The following KIF13A variants were observed in gnomAD, a reference collection of about 807,000 sequenced individuals.
KIF13A encodes the protein kinesin family member 13A.
A neutral mutation model predicts 212.2 loss-of-function variants in KIF13A; 79 were observed. That is an observed-to-expected ratio of 0.37 (90% CI 0.31 to 0.45). The LOEUF (loss-of-function observed/expected upper bound fraction) is 0.45. KIF13A is among the 20% of genes least tolerant of loss of function. The pLI is 1.00. For missense variants in KIF13A, 1,901 were observed against 2,209.0 expected, an observed-to-expected ratio of 0.86 and a Z score of 2.79; for synonymous variants, 789 against 808.6, an observed-to-expected ratio of 0.98 and a Z score of 0.41.
intron 3 of KIF13A, among the ~76,000 whole-genome samples, chr6:17,896,398 T>C (rs953941035): frequency 6.6e-6 from 1 of 152,202 alleles, no homozygotes; most frequent in Non-Finnish European, 1.5e-5. Context: ...TAAAATTTTA[T>C]TCTTACATAA....
intron 3 of KIF13A, among the ~76,000 whole-genome samples, chr6:17,874,004 A>T (rs886082873): frequency 2.6e-5 from 4 of 152,126 alleles, no homozygotes; most frequent in African/African-American, 9.7e-5. Context: ...TTAACGAGAT[A>T]TTTTTTTCCA....
Position 17,834,116 on chromosome 6 carries a change from C to T in KIF13A, c.1156-45G>A. The T allele has an allele frequency of 8.5e-7, 1 of 1,173,506 alleles. No individual in the cohort carries two copies. Among genetic ancestry groups the T allele is most frequent in the Non-Finnish European group, 1.2e-6 (1 of 830,338 alleles). 72.7% of individuals were successfully genotyped at this position (1,173,506 alleles called of 1,614,324 possible). A position where few individuals can be genotyped will look rare whatever the true frequency, so the allele number is the denominator to read the frequency against. ...ATATCTGATGTTCAAAATTTTTCCA[C>T]CATCATATACAAGACAATCAGTTAC... On this transcript the variant is annotated intron_variant, in intron 11 of 38. Coordinates refer to ENST00000259711, the MANE Select transcript of KIF13A (RefSeq NM_022113.6). The surrounding 1 kb of genome is among the most constrained non-coding windows in gnomAD (Gnocchi z 4.0).
chr6:17,881,261 T>A (rs1045135687), intron 3 of KIF13A, among the ~76,000 whole-genome samples: 8 of 152,174 alleles, frequency 5.3e-5, no homozygotes, highest in African/African-American at 1.4e-4. Context: ...TGCATTTTTG[T>A]GAACCACTGA....
chr6:17,875,226 A>C (rs1770439742), intron 3 of KIF13A, among the ~76,000 whole-genome samples: 1 of 152,068 alleles, frequency 6.6e-6, no homozygotes, highest in South Asian at 2.1e-4. Flanking sequence ...AGGAATCTCC[A>C]CACTGTTTTC....
At chr6:17,977,675 GAAT>G (rs1170188665) in intron 2 of KIF13A, among the ~76,000 whole-genome samples, 1 of 152,170 alleles carries the variant, frequency 6.6e-6, no homozygotes, top group Non-Finnish European at 1.5e-5. Flanking sequence ...GGAAAAATAA[GAAT>G]AACTGATTTG....
chr6:17,909,055 A>C, intron 2 of KIF13A, among the ~76,000 whole-genome samples: 1 of 152,238 alleles, frequency 6.6e-6, no homozygotes, highest in Non-Finnish European at 1.5e-5. Context: ...AATGCTGTAC[A>C]TCATTAGCAT....
chr6:17,822,031 G>A, intron 16 of KIF13A: 1 of 887,446 alleles, frequency 1.1e-6, no homozygotes, highest in Non-Finnish European at 1.6e-6. Flanking sequence ...GGGGTAGGGG[G>A]AAACATAACT....
chr6:17,769,131 A>G lies in KIF13A; in HGVS notation c.4581+1983T>C, dbSNP rs1759277902. 6.6e-6 allele frequency among the ~76,000 whole-genome samples: 1 copy of G among 152,360 alleles called. No homozygotes were observed. Among genetic ancestry groups the G allele is most frequent in the African/African-American group, 2.4e-5 (1 of 41,582 alleles). ...CTGATTGTTCAAGAGTGGAAGAGAA[A>G]AGAACGTGAATTAGTCACAAAGGAA... On this transcript the variant is annotated intron_variant, in intron 38 of 38. Transcript: ENST00000259711. This position sits in a 1 kb window ranked among gnomAD's most constrained non-coding sequence, Gnocchi z 5.8.
At chr6:17,819,229 G>A (rs1001760372) in intron 16 of KIF13A, among the ~76,000 whole-genome samples, 2 of 152,018 alleles carry the variant, frequency 1.3e-5, no homozygotes, top group Non-Finnish European at 2.9e-5. Flanking sequence ...TCGATCTCCT[G>A]ACCTCATGAC....
chr6:17,946,044 T>G (rs1032165640), intron 2 of KIF13A, among the ~76,000 whole-genome samples: 2 of 152,218 alleles, frequency 1.3e-5, no homozygotes, highest in Non-Finnish European at 2.9e-5. Context: ...TTGTAAAGCT[T>G]AAGACTTTTA....
rs766317133 is a variant in KIF13A at position 17,934,597 on chromosome 6, G to A, written c.147-36417C>T. On this transcript the variant is annotated intron_variant, in intron 2 of 38. Coordinates refer to ENST00000259711, the MANE Select transcript of KIF13A (RefSeq NM_022113.6). The surrounding 1 kb of genome is among the most constrained non-coding windows in gnomAD (Gnocchi z 5.4). The stretch of plus-strand genomic sequence containing the variant: ...GAGCCCAGAAATTCGAGACCAGCCT[G>A]GGCAACATAGGGAAACCCTGTCTCT... Among the ~76,000 whole-genome samples, 58 of 152,100 alleles carry A rather than the reference G, an allele frequency of 3.8e-4. No homozygotes were observed. Among genetic ancestry groups the A allele is most frequent in the Admixed American group, 1.2e-3 (18 of 15,258 alleles).
At chr6:17,823,369 C>T (rs10949454) in intron 16 of KIF13A, among the ~76,000 whole-genome samples, 40,206 of 150,940 alleles carry the variant, frequency 0.27, 5,478 homozygotes, top group Admixed American at 0.35. Flanking sequence ...ACTTGTTTTT[C>T]ACAGTCTGGC....
At chr6:17,932,779 G>C (rs1046563155) in intron 2 of KIF13A, among the ~76,000 whole-genome samples, 4 of 149,642 alleles carry the variant, frequency 2.7e-5, no homozygotes, top group Non-Finnish European at 5.9e-5. Flanking sequence ...GTTGAAGCGA[G>C]GAGGAAGTCT....
chr6:17,797,701 T>C (rs1406875552), intron 22 of KIF13A, among the ~76,000 whole-genome samples: 1 of 152,016 alleles, frequency 6.6e-6, no homozygotes, highest in African/African-American at 2.4e-5. Context: ...CAGGAGATAG[T>C]GACCAGCTTG....
In KIF13A at chr6:17,982,708, C is replaced by G. The variant is rs957980489; in HGVS notation, c.146+4346G>C. Among the ~76,000 whole-genome samples the G allele has an allele frequency of 1.3e-5, 2 of 152,152 alleles. No homozygotes were observed. Among genetic ancestry groups the G allele is most frequent in the African/African-American group, 4.8e-5 (2 of 41,432 alleles). On this transcript the variant is annotated intron_variant, in intron 2 of 38. Coordinates refer to ENST00000259711, the MANE Select transcript of KIF13A (RefSeq NM_022113.6). The surrounding 1 kb of genome is among the most constrained non-coding windows in gnomAD (Gnocchi z 5.1). ...TACATAAAATAATTAAGAACAAAAACTTCTGTAGAAAGCAAGTTCCACTAT... is the reference window on the plus strand; with the variant it reads ...TACATAAAATAATTAAGAACAAAAAGTTCTGTAGAAAGCAAGTTCCACTAT...
At chr6:17,766,219 G>GATTGATTT (rs1554158989) in intron 38 of KIF13A, among the ~76,000 whole-genome samples, 1 of 144,656 alleles carries the variant, frequency 6.9e-6, no homozygotes, top group African/African-American at 2.6e-5. Context: ...TTATTTTTAA[G>GATTGATTT]ATTTATTTAT....
chr6:17,956,357 A>G (rs554095525), intron 2 of KIF13A, among the ~76,000 whole-genome samples: 3 of 152,352 alleles, frequency 2.0e-5, no homozygotes, highest in South Asian at 2.1e-4. Flanking sequence ...GCATGTGCAC[A>G]CTTTTTCAAA....
intron 2 of KIF13A, among the ~76,000 whole-genome samples, chr6:17,964,948 G>C (rs771406081): frequency 3.3e-5 from 5 of 151,884 alleles, no homozygotes; most frequent in Non-Finnish European, 7.4e-5. Context: ...TCAGCCTCCC[G>C]AGTAGCTGGA....
chr6:17,763,489 A>AG (rs1758686959), downstream of KIF13A, among the ~76,000 whole-genome samples: 1 of 145,572 alleles, frequency 6.9e-6, no homozygotes, highest in African/African-American at 2.8e-5. Context: ...AAAAAAAAAA[A>AG]AAAAAAGAAA....
Sources: allele counts gnomAD v4.1 joint callset (sites outside exome capture counted in the v4.1 genomes callset), GRCh38; gene constraint gnomAD v4.1.1; non-coding constraint Gnocchi (gnomAD v3.1); transcripts MANE v1.5; gene names NCBI Gene and HGNC (gene_info 2026-07-23, HGNC 2026-07-21).